Variants in SHLD2 observed in about 807,000 individuals in gnomAD.
The protein encoded by SHLD2 is shieldin complex subunit 2, also known as RINN1-REV7-interacting novel NHEJ regulator 2.
SHLD2 carries 30 observed loss-of-function variants against 73.2 expected under a neutral mutation model. That is an observed-to-expected ratio of 0.41 (90% CI 0.31 to 0.56). The LOEUF (loss-of-function observed/expected upper bound fraction) is 0.56, where lower values mean the gene tolerates loss of function less well. Among genes scored for constraint, SHLD2 ranks in the 20% least tolerant of loss-of-function variants. The pLI, the probability that SHLD2 is intolerant of heterozygous loss-of-function variation, is 0.28. For missense variants in SHLD2, 745 were observed against 1,055.9 expected (o/e 0.71, Z 4.08); for synonymous variants, 285 against 370.1 (o/e 0.77, Z 2.64).
At chr10:87,104,410 A>G (rs2133956510) in intron 2 of SHLD2, among the ~76,000 whole-genome samples, 1 of 148,272 alleles carries the variant, frequency 6.7e-6, no homozygotes, top group African/African-American at 2.5e-5. Flanking sequence ...AGCCAGGCAT[A>G]ATGGCGAGTG....
At chr10:87,110,273 G>A (rs1842838123) in intron 2 of SHLD2, among the ~76,000 whole-genome samples, 1 of 148,652 alleles carries the variant, frequency 6.7e-6, no homozygotes, top group Non-Finnish European at 1.5e-5. Flanking sequence ...TGGGCAACAA[G>A]AGAGAGACCC....
rs61651864 is a variant in SHLD2, at chr10:87,143,862, CT to C, written c.-5-7469del. Among the ~76,000 whole-genome samples, 284 of 104,688 alleles carry C rather than the reference CT, an allele frequency of 2.7e-3. 1 individual carries two copies. Among genetic ancestry groups the C allele is most frequent in the Admixed American group, 4.3e-3 (38 of 8,848 alleles). The allele number at this position is 104,688 out of a possible 152,430, so 68.7% of individuals were successfully genotyped here. A position where few individuals can be genotyped will look rare whatever the true frequency, so the allele number is the denominator to read the frequency against. On this transcript the variant is annotated intron_variant, in intron 2 of 9. Transcript: ENST00000298786. ...GTTCACCTTATTCTTTTTATTCTTT[CT>C]TTTTTTTTTTTTTTTTTTGTGACGG...
chr10:87,104,966 G>A (rs1334763049), intron 2 of SHLD2, among the ~76,000 whole-genome samples: 1 of 152,070 alleles, frequency 6.6e-6, no homozygotes, highest in African/African-American at 2.4e-5. Context: ...CACTAAGGTA[G>A]GATTCTGATC....
At chr10:87,112,250 A>T (rs1842976245) in intron 2 of SHLD2, among the ~76,000 whole-genome samples, 1 of 147,330 alleles carries the variant, frequency 6.8e-6, no homozygotes, top group Non-Finnish European at 1.5e-5. Flanking sequence ...AAAAAAAAAA[A>T]AGGGCAAAGA....
At chr10:87,115,663 G>C (rs1843209264) in intron 2 of SHLD2, 1 of 152,158 alleles carries the variant, frequency 6.6e-6, no homozygotes, top group African/African-American at 2.4e-5. Context: ...ATAGTTTTCT[G>C]AAAGTTTTAC....
chr10:87,132,205 C>T, intron 2 of SHLD2, among the ~76,000 whole-genome samples: 2 of 151,958 alleles, frequency 1.3e-5, no homozygotes, highest in Admixed American at 6.6e-5. Context: ...CATCTATATT[C>T]TATGGTTGTG....
chr10:87,137,769 A>G (rs2134200909), intron 2 of SHLD2, among the ~76,000 whole-genome samples: 1 of 152,330 alleles, frequency 6.6e-6, no homozygotes, highest in East Asian at 1.9e-4. Context: ...TAAAAATCCC[A>G]TATATAGGCA....
intron 1 of SHLD2, among the ~76,000 whole-genome samples, chr10:87,095,813 C>A (rs375021821): frequency 1.3e-5 from 2 of 152,172 alleles, no homozygotes; most frequent in South Asian, 4.1e-4. Context: ...CGCCTTTAGT[C>A]CTAGCACTTT....
intron 8 of SHLD2, among the ~76,000 whole-genome samples, chr10:87,186,452 C>G (rs1848623896): frequency 6.6e-6 from 1 of 152,204 alleles, no homozygotes; most frequent in East Asian, 1.9e-4. Flanking sequence ...GTGCTGCTTC[C>G]ATTGCTGGTG....
At chr10:87,155,976 T>G (rs1846391556) in intron 3 of SHLD2, among the ~76,000 whole-genome samples, 1 of 152,054 alleles carries the variant, frequency 6.6e-6, no homozygotes, top group Non-Finnish European at 1.5e-5. Flanking sequence ...AATCTACACT[T>G]TTCTGTTGTC....
At chr10:87,178,366 A>G (rs1277297343) in intron 7 of SHLD2, among the ~76,000 whole-genome samples, 4 of 152,072 alleles carry the variant, frequency 2.6e-5, no homozygotes, top group Non-Finnish European at 5.9e-5. Context: ...CCCATGTAAC[A>G]AACCTGCACA....
At chr10:87,113,877 A>G (rs1046853719) in intron 2 of SHLD2, 10 of 152,054 alleles carry the variant, frequency 6.6e-5, no homozygotes, top group African/African-American at 2.4e-4. Flanking sequence ...GTGTTGGTAC[A>G]TGCCTGTCAT....
intron 2 of SHLD2, among the ~76,000 whole-genome samples, chr10:87,150,196 CTG>C (rs1460840525): frequency 6.6e-6 from 1 of 150,562 alleles, no homozygotes; most frequent in Admixed American, 6.7e-5. Flanking sequence ...TCCCAAGTAA[CTG>C]AGACTTTAGG....
chr10:87,165,725 G>A (rs1207128117), intron 4 of SHLD2, among the ~76,000 whole-genome samples: 1 of 152,096 alleles, frequency 6.6e-6, no homozygotes, highest in Non-Finnish European at 1.5e-5. Flanking sequence ...ATAGAAAAAG[G>A]ATATTAATAG....
chr10:87,191,356 G>A lies in SHLD2; in HGVS notation c.*673G>A, dbSNP rs972709945. 1.3e-5 allele frequency: 2 copies of A among 154,714 alleles called. No homozygotes were observed. Among genetic ancestry groups the A allele is most frequent in the Non-Finnish European group, 1.4e-5 (1 of 69,620 alleles). The allele number at this position is 154,714 out of a possible 1,614,324, so 9.6% of individuals were successfully genotyped here. A position where few individuals can be genotyped will look rare whatever the true frequency, so the allele number is the denominator to read the frequency against. On this transcript the variant is annotated 3_prime_UTR_variant, in exon 10 of 10. Coordinates refer to ENST00000298786, the MANE Select transcript of SHLD2 (RefSeq NM_001330112.2). ...ATTGTGGAAGAAGCTCATGTAAAAT[G>A]ATAGTCATTAATGAGGAAGTATGGC... is the stretch of plus-strand genomic sequence containing the variant.
chr10:87,131,723 T>A (rs1402029961), intron 2 of SHLD2, among the ~76,000 whole-genome samples: 1 of 152,230 alleles, frequency 6.6e-6, no homozygotes, highest in Non-Finnish European at 1.5e-5. Flanking sequence ...CTTTTGGGTA[T>A]ATACCTCGGT....
At chr10:87,165,479 C>T (rs886505125) in intron 4 of SHLD2, among the ~76,000 whole-genome samples, 1 of 152,144 alleles carries the variant, frequency 6.6e-6, no homozygotes, top group African/African-American at 2.4e-5. Flanking sequence ...TTGATATTAT[C>T]CATTGAGAAG....
chr10:87,177,441 T>A (rs1283060534), intron 7 of SHLD2, among the ~76,000 whole-genome samples: 5 of 151,986 alleles, frequency 3.3e-5, no homozygotes, highest in African/African-American at 1.2e-4. Context: ...CCTGGAGGTG[T>A]GCTCCTCATT....
chr10:87,111,510 A>G lies in SHLD2; in HGVS notation c.-6+14521A>G, dbSNP rs1842918455. 3.3e-5 allele frequency among the ~76,000 whole-genome samples: 5 copies of G among 151,786 alleles called. No individual in the cohort carries two copies. The South Asian group carries it at 1.0e-3, about 32-fold the overall frequency. Reference sequence around the variant, plus strand: ...ACAAAAATTAGCTGGGCATGGTGGCACGCGCCTGTAATCTCAACTACTTGA... The same window carrying G: ...ACAAAAATTAGCTGGGCATGGTGGCGCGCGCCTGTAATCTCAACTACTTGA... On this transcript the variant is annotated intron_variant, in intron 2 of 9. Transcript: ENST00000298786.
Sources: allele counts gnomAD v4.1 joint callset (sites outside exome capture counted in the v4.1 genomes callset), GRCh38; gene constraint gnomAD v4.1.1; transcripts MANE v1.5; gene names NCBI Gene and HGNC (gene_info 2026-07-23, HGNC 2026-07-21).